HDX: variants seen among roughly 807,000 people sequenced by gnomAD.
The protein encoded by HDX is highly divergent homeobox.
Under a neutral mutation model 45.2 loss-of-function variants are expected in HDX, and 19 were observed. That is an observed-to-expected ratio of 0.42 (90% CI 0.29 to 0.62). The LOEUF is 0.62. Among genes scored for constraint, HDX ranks in the 20% least tolerant of loss-of-function variants. The pLI, the probability that HDX is intolerant of heterozygous loss-of-function variation, is 0.20. For synonymous variants in HDX, 188 were observed against 172.8 expected (o/e 1.09, Z -0.69); for missense variants, 532 against 493.9 (o/e 1.08, Z -0.73).
At chrX:84,419,731 T>C (rs986801395) in intron 5 of HDX, among the ~76,000 whole-genome samples, 1 of 112,063 alleles carries the variant, frequency 8.9e-6, no homozygotes, top group Non-Finnish European at 1.9e-5. Flanking sequence ...GTGGTGGCTT[T>C]AGGTCGAACT....
chrX:84,421,670 G>A (rs1253896487), intron 5 of HDX, among the ~76,000 whole-genome samples: 1 of 106,291 alleles, frequency 9.4e-6, no homozygotes, highest in Non-Finnish European at 1.9e-5. Flanking sequence ...TTGCTTACGA[G>A]AAACACCATT....
At chrX:84,497,399 T>C (rs1168652947) in intron 1 of HDX, among the ~76,000 whole-genome samples, 3 of 111,666 alleles carry the variant, frequency 2.7e-5, no homozygotes, top group Non-Finnish European at 5.6e-5. Flanking sequence ...ATTGAATCAT[T>C]AAATTAGTGT....
In HDX at chrX:84,424,560, A is replaced by G. The variant is rs185695004; in HGVS notation, c.1305+15972T>C. On this transcript the variant is annotated intron_variant, in intron 5 of 10. Coordinates refer to ENST00000373177, the MANE Select transcript of HDX (RefSeq NM_001177479.2). ...GAATCACATTACCTGACTTCAAATTATACTACAGTGCTATAGTGACTAAAA... is the reference window on the plus strand; with the variant it reads ...GAATCACATTACCTGACTTCAAATTGTACTACAGTGCTATAGTGACTAAAA... 8.6e-4 allele frequency among the ~76,000 whole-genome samples: 96 copies of G among 111,793 alleles called. 1 individual carries two copies. Among genetic ancestry groups the G allele is most frequent in the African/African-American group, 2.7e-3 (84 of 30,811 alleles).
chrX:84,490,148 T>C (rs2040865853), intron 1 of HDX, among the ~76,000 whole-genome samples: 1 of 111,730 alleles, frequency 9.0e-6, no homozygotes, highest in Non-Finnish European at 1.9e-5. Flanking sequence ...CTCATTATGA[T>C]ATTGGCAATT....
intron 5 of HDX, among the ~76,000 whole-genome samples, chrX:84,405,138 C>G (rs2038789604): frequency 9.0e-6 from 1 of 110,759 alleles, no homozygotes; most frequent in Non-Finnish European, 1.9e-5. Flanking sequence ...ATTCAAACAT[C>G]AATCTATCTA....
At position 84,440,234 on chromosome X, in the gene HDX, A is replaced by C. The variant is rs185832071; in HGVS notation, c.1305+298T>G. ...TATATAAATTATAATTCAATTGATC[A>C]AATTAATTGGGTTGATTAGATGTAG... On this transcript the variant is annotated intron_variant, in intron 5 of 10. Transcript: ENST00000373177. 329 of 188,111 alleles carry C rather than the reference A, an allele frequency of 1.7e-3. 3 individuals carry two copies. The Admixed American group carries it at 0.022, about 13-fold the overall frequency. The allele number at this position is 188,111 out of a possible 1,213,427, so 15.5% of individuals were successfully genotyped here.
chrX:84,416,531 T>C (rs2039106241), intron 5 of HDX, among the ~76,000 whole-genome samples: 1 of 111,157 alleles, frequency 9.0e-6, no homozygotes, highest in Non-Finnish European at 1.9e-5. Context: ...TATTAATATT[T>C]ATCTTCCTAC....
chrX:84,356,797 T>C (rs1157849449), intron 6 of HDX, among the ~76,000 whole-genome samples: 1 of 109,890 alleles, frequency 9.1e-6, no homozygotes, highest in Non-Finnish European at 1.9e-5. Flanking sequence ...TAATTTTTTG[T>C]ATTTTTAGTA....
chrX:84,410,455 A>G (rs1339227559), intron 5 of HDX, among the ~76,000 whole-genome samples: 1 of 111,639 alleles, frequency 9.0e-6, no homozygotes, highest in Non-Finnish European at 1.9e-5. Context: ...CGTTTATGTA[A>G]TAAATCACAT....
In HDX at chrX:84,337,110, G is replaced by A. The variant is rs2036982729; in HGVS notation, c.1661-230C>T. Among the ~76,000 whole-genome samples, 4 of 105,930 alleles carry A rather than the reference G, an allele frequency of 3.8e-5. No individual in the cohort carries two copies. In the South Asian group the frequency reaches 1.4e-3, roughly 36 times the overall value. The allele number at this position is 105,930 out of a possible 115,157, so 92.0% of individuals were successfully genotyped here. On this transcript the variant is annotated intron_variant, in intron 7 of 10. Transcript: ENST00000373177. The stretch of plus-strand genomic sequence containing the variant: ...TTGTCCTATTTGTAACTGAAAAAAC[G>A]GACAAAAACTGTATCCTTAACAATG...
chrX:84,463,901 G>C (rs1417379037), intron 4 of HDX, among the ~76,000 whole-genome samples: 1 of 111,132 alleles, frequency 9.0e-6, no homozygotes, highest in Non-Finnish European at 1.9e-5. Flanking sequence ...ATATTCCCAA[G>C]AGGCTCCTAA....
At chrX:84,475,577 A>G (rs1266567790) in intron 2 of HDX, among the ~76,000 whole-genome samples, 180 bp from the exon 3 acceptor site, 1 of 112,227 alleles carries the variant, frequency 8.9e-6, no homozygotes, top group African/African-American at 3.2e-5. Context: ...TCAATGAAAA[A>G]TATGCATAGT....
intron 9 of HDX, among the ~76,000 whole-genome samples, chrX:84,328,566 A>G (rs1273842341): frequency 8.9e-6 from 1 of 111,882 alleles, no homozygotes; most frequent in Non-Finnish European, 1.9e-5. Flanking sequence ...AAAATATTTG[A>G]ACACACTCTT....
chrX:84,434,050 T>C (rs2039564069), intron 5 of HDX, among the ~76,000 whole-genome samples: 1 of 111,872 alleles, frequency 8.9e-6, no homozygotes, highest in Non-Finnish European at 1.9e-5. Context: ...GCAACTTTAC[T>C]GAATTTGCTT....
chrX:84,344,512 C>T (rs1268734750), intron 6 of HDX, 55 bp from the exon 7 acceptor site: 244 of 822,689 alleles, frequency 3.0e-4, no homozygotes, highest in Admixed American at 2.4e-5. Context: ...CTTAGCAGTT[C>T]TAGCCAGTAA....
intron 5 of HDX, among the ~76,000 whole-genome samples, chrX:84,422,910 C>T (rs545523151): frequency 5.5e-5 from 6 of 109,350 alleles, no homozygotes; most frequent in East Asian, 2.9e-4. Flanking sequence ...CCTCATGATC[C>T]GCCCGCCTCG....
chrX:84,403,521 G>C (rs902707313), intron 5 of HDX, among the ~76,000 whole-genome samples: 13 of 111,377 alleles, frequency 1.2e-4, no homozygotes, highest in African/African-American at 3.3e-4. Context: ...TGAAATCTGT[G>C]GACTGATTTA....
intron 4 of HDX, among the ~76,000 whole-genome samples, chrX:84,448,604 T>C (rs139510308): frequency 7.0e-5 from 7 of 99,802 alleles, no homozygotes; most frequent in Non-Finnish European, 1.2e-4. Flanking sequence ...AAAGCCAAAG[T>C]GCCCTACACA....
chrX:84,326,362 G>A (rs2036710620), intron 9 of HDX, 62 bp from the exon 10 acceptor site: 25 of 840,371 alleles, frequency 3.0e-5, no homozygotes, highest in Non-Finnish European at 4.3e-5. Flanking sequence ...ATACATGTTT[G>A]ATGCACAATA....
Sources: gnomAD v4.1 joint callset for allele counts (sites outside exome capture counted in the v4.1 genomes callset) on GRCh38, gnomAD v4.1.1 for gene constraint, MANE v1.5 for transcripts, NCBI Gene and HGNC (gene_info 2026-07-23, HGNC 2026-07-21) for gene names.